The following DMRT1 variants were observed in gnomAD, a reference collection of about 807,000 sequenced individuals.
The protein encoded by DMRT1 is doublesex and mab-3 related transcription factor 1.
Under a neutral mutation model 32.3 loss-of-function variants are expected in DMRT1, and 7 were observed. The ratio of observed to expected loss-of-function variants is 0.22; its 90% CI spans 0.12 to 0.41. The LOEUF (loss-of-function observed/expected upper bound fraction) is 0.41, where lower values mean the gene tolerates loss of function less well. DMRT1 is among the 10% of genes least tolerant of loss of function. DMRT1 has a pLI of 1.00. For missense variants in DMRT1, 625 were observed against 500.5 expected (o/e 1.25, Z -2.37); for synonymous variants, 278 against 206.1 (o/e 1.35, Z -2.99).
chr9:856,717 G>T (rs1815416571), intron 2 of DMRT1, among the ~76,000 whole-genome samples: 1 of 152,082 alleles, frequency 6.6e-6, no homozygotes, highest in Non-Finnish European at 1.5e-5. Context: ...AAGAGTTTTT[G>T]AATGAATGTA....
At chr9:898,806 A>G (rs1370604162) in intron 3 of DMRT1, among the ~76,000 whole-genome samples, 2 of 152,096 alleles carry the variant, frequency 1.3e-5, no homozygotes, top group African/African-American at 4.8e-5. Context: ...TTTATTAGCT[A>G]TCCTGCCTAG....
At chr9:867,798 A>G (rs1460069786) in intron 2 of DMRT1, among the ~76,000 whole-genome samples, 1 of 152,064 alleles carries the variant, frequency 6.6e-6, no homozygotes, top group Non-Finnish European at 1.5e-5. Context: ...AAAATAGTTG[A>G]TGTCCAAGGC....
chr9:846,088 G>C (rs1209980314), intron 1 of DMRT1, among the ~76,000 whole-genome samples: 3 of 150,004 alleles, frequency 2.0e-5, no homozygotes, highest in Admixed American at 1.3e-4. Flanking sequence ...CTGGAGTGCA[G>C]TGTCGCGATC....
chr9:885,215 AG>A (rs1487729341), intron 2 of DMRT1, among the ~76,000 whole-genome samples: 1 of 152,168 alleles, frequency 6.6e-6, no homozygotes, highest in Non-Finnish European at 1.5e-5. Context: ...TGTGTGTTAC[AG>A]GGTGCCTTTT....
At chr9:879,037 T>TA (rs1816624899) in intron 2 of DMRT1, among the ~76,000 whole-genome samples, 1 of 152,186 alleles carries the variant, frequency 6.6e-6, no homozygotes, top group South Asian at 2.1e-4. Context: ...GACATAAGGA[T>TA]AAAGCCAGAG....
intron 4 of DMRT1, among the ~76,000 whole-genome samples, chr9:926,400 C>A (rs1296044311): frequency 1.3e-5 from 2 of 152,132 alleles, no homozygotes; most frequent in Non-Finnish European, 2.9e-5. Context: ...CAGCTACTTT[C>A]AAAAATATTT....
chr9:916,213 G>A (rs183753574), intron 3 of DMRT1, among the ~76,000 whole-genome samples: 1 of 152,280 alleles, frequency 6.6e-6, no homozygotes, highest in African/African-American at 2.4e-5. Context: ...CTTTTGTACT[G>A]GTTAATCGAG....
At chr9:919,891 G>A (rs558429066) in intron 4 of DMRT1, among the ~76,000 whole-genome samples, 1 of 152,322 alleles carries the variant, frequency 6.6e-6, no homozygotes, top group East Asian at 1.9e-4. Context: ...GGATGGGACA[G>A]GAAGAGAGGA....
intron 4 of DMRT1, among the ~76,000 whole-genome samples, chr9:936,961 C>T (rs1348050017): frequency 1.3e-5 from 2 of 152,044 alleles, no homozygotes; most frequent in African/African-American, 2.4e-5. Flanking sequence ...TTTTATCATT[C>T]CAAACAGAAA....
intron 4 of DMRT1, among the ~76,000 whole-genome samples, chr9:942,622 T>G (rs552237627): frequency 6.6e-6 from 1 of 152,292 alleles, no homozygotes; most frequent in East Asian, 1.9e-4. Flanking sequence ...ATCTCTCAAA[T>G]TTTTAAAAAC....
chr9:949,027 A>G (rs911032641), intron 4 of DMRT1, among the ~76,000 whole-genome samples: 1 of 151,916 alleles, frequency 6.6e-6, no homozygotes, highest in African/African-American at 2.4e-5. Context: ...CGGGAGGCAG[A>G]GGTTGTGGTG....
Position 910,926 on chromosome 9 carries a change from A to G in DMRT1, c.823-5837A>G, listed in dbSNP as rs571005099. Among the ~76,000 whole-genome samples, 18 of 152,218 alleles carry G rather than the reference A, an allele frequency of 1.2e-4. No homozygotes were observed. In the East Asian group the frequency reaches 3.5e-3, roughly 29 times the overall value. ...TGAAGGAATAAAAAAAAACCTTGAG[A>G]GGAAACAAGGAGGCATTTCACAAAG... On this transcript the variant is annotated intron_variant, in intron 3 of 4. Coordinates refer to ENST00000382276, the MANE Select transcript of DMRT1 (RefSeq NM_021951.3).
intron 4 of DMRT1, among the ~76,000 whole-genome samples, chr9:949,142 C>T (rs1234593604): frequency 1.3e-5 from 2 of 151,976 alleles, no homozygotes; most frequent in Non-Finnish European, 2.9e-5. Flanking sequence ...CAGTGTCTCA[C>T]ACCTGTAATC....
intron 4 of DMRT1, among the ~76,000 whole-genome samples, chr9:931,744 T>C (rs1353671390): frequency 1.3e-5 from 2 of 152,152 alleles, no homozygotes; most frequent in African/African-American, 2.4e-5. Flanking sequence ...TCTTAGAGAG[T>C]ATGACCTCAT....
chr9:881,587 T>G (rs943087039), intron 2 of DMRT1, among the ~76,000 whole-genome samples: 1 of 152,216 alleles, frequency 6.6e-6, no homozygotes, highest in Non-Finnish European at 1.5e-5. Flanking sequence ...CCCTGATAAA[T>G]TAGGCTTCTC....
chr9:890,953 C>G (rs886387433), intron 2 of DMRT1, among the ~76,000 whole-genome samples: 8 of 150,990 alleles, frequency 5.3e-5, no homozygotes, highest in Non-Finnish European at 1.2e-4. Flanking sequence ...TGGTCTCGAA[C>G]TCCTGACCTC....
Position 968,976 on chromosome 9 carries a change from A to G in DMRT1, c.*837A>G, listed in dbSNP as rs1011708538. 23 of 152,666 alleles carry G rather than the reference A, an allele frequency of 1.5e-4. No individual in the cohort carries two copies. Among genetic ancestry groups the G allele is most frequent in the Non-Finnish European group, 1.3e-4 (9 of 68,040 alleles). The allele number at this position is 152,666 out of a possible 1,614,324, so 9.5% of individuals were successfully genotyped here. ...GTTCATGATTTTGTTAAAAATTGCT[A>G]TGGAGTACTTTGTTATATAACAGAA... On this transcript the variant is annotated 3_prime_UTR_variant, in exon 5 of 5. Transcript: ENST00000382276.
At chr9:907,829 A>ATGTGTGTT (rs1817832480) in intron 3 of DMRT1, among the ~76,000 whole-genome samples, 1 of 149,428 alleles carries the variant, frequency 6.7e-6, no homozygotes, top group African/African-American at 2.5e-5. Flanking sequence ...TAAAATATAT[A>ATGTGTGTT]TGTGTGTGTG....
rs182395929 is a variant in DMRT1, at chr9:882,251, G to T, written c.539-11661G>T. ...CAGGCCCAATTAAGTTTCTCTGGGG[G>T]TGTGAAGGGGGATCCCAAATTGCAT... On this transcript the variant is annotated intron_variant, in intron 2 of 4. Transcript: ENST00000382276. Among the ~76,000 whole-genome samples the T allele has an allele frequency of 1.5e-4, 23 of 152,254 alleles. No homozygotes were observed. In the East Asian group the frequency reaches 3.5e-3, roughly 23 times the overall value.
Sources: gnomAD v4.1 joint callset for allele counts (sites outside exome capture counted in the v4.1 genomes callset) on GRCh38, gnomAD v4.1.1 for gene constraint, MANE v1.5 for transcripts, NCBI Gene and HGNC (gene_info 2026-07-23, HGNC 2026-07-21) for gene names.